Variants in CLUL1 observed in about 807,000 individuals in gnomAD.
CLUL1 encodes clusterin-like protein 1.
In CLUL1, 43 loss-of-function variants were observed where a neutral mutation model predicts 49.4. That is an observed-to-expected ratio of 0.87 (90% confidence interval 0.68 to 1.12). The LOEUF is 1.12. CLUL1 is among the 50% of genes most tolerant of loss of function. The pLI is 0.00. For missense variants in CLUL1, 486 were observed against 544.4 expected, an observed-to-expected ratio of 0.89 and a Z score of 1.07; for synonymous variants, 192 against 184.9, an observed-to-expected ratio of 1.04 and a Z score of -0.31.
intron 1 of CLUL1, among the ~76,000 whole-genome samples, chr18:604,517 G>C (rs563151309): frequency 6.6e-6 from 1 of 152,264 alleles, no homozygotes; most frequent in South Asian, 2.1e-4. Flanking sequence ...ACCACAAAAA[G>C]AGTTTATTTT....
intron 5 of CLUL1, among the ~76,000 whole-genome samples, chr18:626,585 G>A (rs2073705543): frequency 6.6e-6 from 1 of 151,790 alleles, no homozygotes; most frequent in Admixed American, 6.6e-5. Flanking sequence ...AGGGCCGGGT[G>A]CAGTGGCTCA....
rs28611187 is a variant in CLUL1, at chr18:623,709, A to G, written c.256-1156A>G. On this transcript the variant is annotated intron_variant, in intron 4 of 9. Coordinates refer to ENST00000692774, the MANE Select transcript of CLUL1 (RefSeq NM_001393344.1). The stretch of plus-strand genomic sequence containing the variant: ...AAATTGTTCTACAAAGTCCAAGGAC[A>G]CACACACACTCCTGTCTGGGTCAAA... 8.8e-3 allele frequency among the ~76,000 whole-genome samples: 1,334 copies of G among 150,894 alleles called. 21 individuals are homozygous for G. Among genetic ancestry groups the G allele is most frequent in the African/African-American group, 0.031 (1,261 of 41,246 alleles).
At chr18:637,679 G>C (rs1417385960) in intron 7 of CLUL1, among the ~76,000 whole-genome samples, 1 of 152,116 alleles carries the variant, frequency 6.6e-6, no homozygotes, top group African/African-American at 2.4e-5. Flanking sequence ...GCAGTTGAGA[G>C]TGCTCTTTCT....
chr18:606,098 A>C lies in CLUL1; in HGVS notation c.-135-880A>C, dbSNP rs2072966220. On this transcript the variant is annotated intron_variant, in intron 1 of 9. Coordinates refer to ENST00000692774, the MANE Select transcript of CLUL1 (RefSeq NM_001393344.1). This position sits in a 1 kb window ranked among gnomAD's most constrained non-coding sequence, Gnocchi z 4.1. ...ATTTAAGAATATACCAAATAAGAATATGCAAGTCCTCCCCTAAGGGTGGCA... is the reference window on the plus strand; with the variant it reads ...ATTTAAGAATATACCAAATAAGAATCTGCAAGTCCTCCCCTAAGGGTGGCA... Among the ~76,000 whole-genome samples, 1 of 152,210 alleles carries C rather than the reference A, an allele frequency of 6.6e-6. No individual in the cohort carries two copies. Among genetic ancestry groups the C allele is most frequent in the Non-Finnish European group, 1.5e-5 (1 of 68,042 alleles).
chr18:629,466 A>C (rs2073922232), intron 6 of CLUL1, among the ~76,000 whole-genome samples: 1 of 152,148 alleles, frequency 6.6e-6, no homozygotes. Context: ...GTCAGTAGTG[A>C]TTCAGACATG....
At chr18:621,358 C>T (rs2073483340) in intron 4 of CLUL1, among the ~76,000 whole-genome samples, 1 of 152,130 alleles carries the variant, frequency 6.6e-6, no homozygotes, top group African/African-American at 2.4e-5. Context: ...ACAGGCTGAC[C>T]CCAAAGCTGT....
In CLUL1 at chr18:625,142, G is replaced by A. The variant is rs755161227; in HGVS notation, c.423+110G>A. 4.2e-4 allele frequency: 465 copies of A among 1,095,340 alleles called. 1 individual carries two copies. The highest frequency in any genetic ancestry group is 1.6e-3 in the Admixed American group (60 of 36,642). 67.9% of individuals were successfully genotyped at this position (1,095,340 alleles called of 1,614,324 possible). On this transcript the variant is annotated intron_variant, in intron 5 of 9. Transcript: ENST00000692774. ...AGAACGGAGATGCCTGATCTGATAG[G>A]GGCCTTTTGCTTTCTAGAATCTAAT... is the stretch of plus-strand genomic sequence containing the variant.
At chr18:616,264 C>T (rs761997160) in intron 2 of CLUL1, among the ~76,000 whole-genome samples, 7 of 152,080 alleles carry the variant, frequency 4.6e-5, no homozygotes, top group Non-Finnish European at 7.4e-5. Flanking sequence ...TTGGTTATAT[C>T]GCTTCATATA....
At position 610,282 on chromosome 18, in the gene CLUL1, A is replaced by G. The variant is rs568094934; in HGVS notation, c.-14+3183A>G. 3.9e-5 allele frequency among the ~76,000 whole-genome samples: 6 copies of G among 152,278 alleles called. No individual in the cohort carries two copies. The South Asian group carries it at 8.3e-4, about 21-fold the overall frequency. On this transcript the variant is annotated intron_variant, in intron 2 of 9. Transcript: ENST00000692774. ...CTCAAAAATAAAGCGCGGCACTTCG[A>G]AGACTCAATAGTCTTCCATTCATGT...
At chr18:599,278 C>T (rs201852064) in intron 1 of CLUL1, among the ~76,000 whole-genome samples, 2 of 152,082 alleles carry the variant, frequency 1.3e-5, no homozygotes, top group Non-Finnish European at 1.5e-5. Context: ...GATAAAATTC[C>T]GGTTGTCTAC....
chr18:649,418 C>A (rs550757257), intron 9 of CLUL1, among the ~76,000 whole-genome samples: 37 of 152,252 alleles, frequency 2.4e-4, no homozygotes, highest in Non-Finnish European at 3.8e-4. Flanking sequence ...TATTTCCCAT[C>A]CCCAAGTTTC....
intron 1 of CLUL1, among the ~76,000 whole-genome samples, chr18:605,888 T>C (rs1193126879): frequency 6.6e-6 from 1 of 152,076 alleles, no homozygotes; most frequent in African/African-American, 2.4e-5. Flanking sequence ...GTTGCCTGAA[T>C]GCCTGGCCTC....
chr18:598,717 C>T, intron 1 of CLUL1: 1 of 394,472 alleles, frequency 2.5e-6, no homozygotes. Flanking sequence ...AGAATTTCTG[C>T]ACTTTGAAGA....
At chr18:631,435 G>T (rs10502288) in intron 6 of CLUL1, among the ~76,000 whole-genome samples, 1 of 151,914 alleles carries the variant, frequency 6.6e-6, no homozygotes, top group Non-Finnish European at 1.5e-5. Context: ...TAATTTTCGC[G>T]TGGGAGAAAC....
At chr18:613,734 C>T (rs1025128806) in intron 2 of CLUL1, among the ~76,000 whole-genome samples, 2 of 150,296 alleles carry the variant, frequency 1.3e-5, no homozygotes, top group Non-Finnish European at 3.0e-5. Context: ...GATTACAGGC[C>T]TGAGCCACTG....
chr18:608,531 A>G (rs1353076634), intron 2 of CLUL1, among the ~76,000 whole-genome samples: 1 of 152,200 alleles, frequency 6.6e-6, no homozygotes, highest in Non-Finnish European at 1.5e-5. Context: ...AACTTCTGTG[A>G]CATTTTGGCT....
intron 6 of CLUL1, among the ~76,000 whole-genome samples, chr18:632,771 G>T (rs377087981): frequency 1.8e-4 from 27 of 152,252 alleles, no homozygotes; most frequent in African/African-American, 5.8e-4. Flanking sequence ...TTCTAGTAAT[G>T]AGATTCTTGG....
At chr18:638,719 G>T (rs944127214) in intron 7 of CLUL1, among the ~76,000 whole-genome samples, 2 of 151,674 alleles carry the variant, frequency 1.3e-5, no homozygotes, top group East Asian at 3.9e-4. Context: ...TTAGCCAGGT[G>T]TGGTGGTACG....
chr18:628,820 CAG>C lies in CLUL1; in HGVS notation c.856+1292_856+1293del, dbSNP rs34166147. The stretch of plus-strand genomic sequence containing the variant: ...CTAATTTTTGTATTTTTAGTAGAGA[CAG>C]GGGTTTCACCATGTTGGCCAGGCTG... On this transcript the variant is annotated intron_variant, in intron 6 of 9. Transcript: ENST00000692774. Among the ~76,000 whole-genome samples, 868 of 151,570 alleles carry C rather than the reference CAG, an allele frequency of 5.7e-3. 8 individuals carry two copies. Among genetic ancestry groups the C allele is most frequent in the African/African-American group, 0.02 (807 of 41,286 alleles).
Sources: gnomAD v4.1 joint callset for allele counts (sites outside exome capture counted in the v4.1 genomes callset) on GRCh38, gnomAD v4.1.1 for gene constraint, Gnocchi (gnomAD v3.1) non-coding constraint, MANE v1.5 for transcripts, NCBI Gene and HGNC (gene_info 2026-07-23, HGNC 2026-07-21) for gene names.